ARHGEF4: variants seen among roughly 807,000 people sequenced by gnomAD.
The protein encoded by ARHGEF4 is Rho guanine nucleotide exchange factor 4.
ARHGEF4 carries 119 observed loss-of-function variants against 162.0 expected under a neutral mutation model. That is an observed-to-expected ratio of 0.73 (90% CI 0.63 to 0.86). The LOEUF is 0.86. Ranked by LOEUF, ARHGEF4 falls within the 40% of genes least tolerant of loss-of-function variation. The pLI, the probability that ARHGEF4 is intolerant of heterozygous loss-of-function variation, is 0.00. For synonymous variants in ARHGEF4, 1,014 were observed against 979.9 expected, an observed-to-expected ratio of 1.03 and a Z score of -0.65; for missense variants, 2,488 against 2,456.0, an observed-to-expected ratio of 1.01 and a Z score of -0.28.
chr2:130,867,859 C>T (rs898710210), intron 1 of ARHGEF4, among the ~76,000 whole-genome samples: 4 of 152,086 alleles, frequency 2.6e-5, no homozygotes, highest in Non-Finnish European at 5.9e-5. Context: ...CAGGCAGCCG[C>T]CCCCTGCGCC....
chr2:130,918,817 G>T (rs1370018304), intron 2 of ARHGEF4, among the ~76,000 whole-genome samples: 1 of 152,162 alleles, frequency 6.6e-6, no homozygotes, highest in Non-Finnish European at 1.5e-5. Flanking sequence ...AAACACTAAA[G>T]GTTTTTTGTT....
intron 4 of ARHGEF4, among the ~76,000 whole-genome samples, chr2:130,975,149 T>A (rs1685622660): frequency 6.6e-6 from 1 of 152,234 alleles, no homozygotes. Flanking sequence ...AGGGAAATGC[T>A]GAATTAAGTT....
At chr2:130,840,781 A>G (rs999691277) in intron 1 of ARHGEF4, among the ~76,000 whole-genome samples, 3 of 152,176 alleles carry the variant, frequency 2.0e-5, no homozygotes, top group African/African-American at 7.2e-5. Flanking sequence ...ATCCTGGGCT[A>G]CCAGGAACAG....
At chr2:130,885,049 T>A (rs1209519317) in intron 1 of ARHGEF4, among the ~76,000 whole-genome samples, 1 of 152,164 alleles carries the variant, frequency 6.6e-6, no homozygotes, top group Non-Finnish European at 1.5e-5. Context: ...ACTAATCTAC[T>A]CCATACTTCC....
chr2:130,946,057 C>T (rs762319221), intron 3 of ARHGEF4, among the ~76,000 whole-genome samples: 8 of 152,200 alleles, frequency 5.3e-5, no homozygotes, highest in Non-Finnish European at 7.3e-5. Context: ...ATCCCAAAGC[C>T]ACAGCCAACA....
intron 2 of ARHGEF4, among the ~76,000 whole-genome samples, chr2:130,921,796 A>G (rs1424072307): frequency 6.6e-6 from 1 of 151,872 alleles, no homozygotes; most frequent in Non-Finnish European, 1.5e-5. Flanking sequence ...GGTTCAAGCA[A>G]TTCTCCTGCC....
chr2:131,035,135 G>A, intron 5 of ARHGEF4: 1 of 1,191,446 alleles, frequency 8.4e-7, no homozygotes, highest in East Asian at 3.5e-5. Context: ...GCGGCGCCCG[G>A]GAACGCCCTG....
intron 1 of ARHGEF4, among the ~76,000 whole-genome samples, chr2:130,873,094 C>T (rs552209305): frequency 6.0e-4 from 91 of 152,354 alleles, no homozygotes; most frequent in African/African-American, 2.1e-3. Context: ...TGGGCACACA[C>T]AGGCTCTGGA....
At chr2:130,947,393 C>G (rs1390717277) in intron 4 of ARHGEF4, among the ~76,000 whole-genome samples, 1 of 151,876 alleles carries the variant, frequency 6.6e-6, no homozygotes, top group South Asian at 2.1e-4. Context: ...TACTCCGTCT[C>G]AAGAAAAAAT....
At chr2:130,985,774 CATG>C (rs1274777706) in intron 4 of ARHGEF4, among the ~76,000 whole-genome samples, 2 of 151,550 alleles carry the variant, frequency 1.3e-5, no homozygotes, top group Non-Finnish European at 2.9e-5. Flanking sequence ...GTTTTGCATG[CATG>C]ATATGTGTTT....
At chr2:130,849,148 C>T (rs1681209972) in intron 1 of ARHGEF4, among the ~76,000 whole-genome samples, 1 of 152,204 alleles carries the variant, frequency 6.6e-6, no homozygotes, top group South Asian at 2.1e-4. Flanking sequence ...GCTCCGTGAC[C>T]CCTCTCAGTG....
rs577602849 is a variant in ARHGEF4, at chr2:130,863,967, G to A, written c.39+26975G>A. 1.2e-3 allele frequency among the ~76,000 whole-genome samples: 155 copies of A among 125,256 alleles called. 1 individual carries two copies. Among genetic ancestry groups the A allele is most frequent in the African/African-American group, 4.1e-3 (135 of 32,708 alleles). 82.2% of individuals were successfully genotyped at this position (125,256 alleles called of 152,430 possible). ...TGGGAGGCCGAGGCAGGCAGATCAC[G>A]AGGTCAGGAGATCGAGACCATCCTG... On this transcript the variant is annotated intron_variant, in intron 1 of 13. Transcript: ENST00000409359.
chr2:130,896,400 G>A (rs1680161927), intron 1 of ARHGEF4, among the ~76,000 whole-genome samples: 1 of 152,218 alleles, frequency 6.6e-6, no homozygotes, highest in South Asian at 2.1e-4. Context: ...GGCAGCAATG[G>A]CTCAGGGCTG....
intron 4 of ARHGEF4, among the ~76,000 whole-genome samples, chr2:130,953,609 G>A (rs1403308254): frequency 6.6e-6 from 1 of 152,172 alleles, no homozygotes; most frequent in Non-Finnish European, 1.5e-5. Context: ...TACCATTAGA[G>A]TGAACAGACA....
intron 1 of ARHGEF4, among the ~76,000 whole-genome samples, chr2:130,876,540 C>G (rs571802011): frequency 4.6e-5 from 7 of 152,074 alleles, no homozygotes; most frequent in African/African-American, 1.2e-4. Context: ...TACAGGGGCC[C>G]GCCAACATAC....
intron 4 of ARHGEF4, among the ~76,000 whole-genome samples, chr2:131,013,337 G>A (rs568733318): frequency 1.4e-4 from 21 of 152,276 alleles, no homozygotes; most frequent in African/African-American, 4.6e-4. Flanking sequence ...AGAAGTACAG[G>A]TCTACCAACA....
chr2:130,847,748 G>A (rs925859609), intron 1 of ARHGEF4, among the ~76,000 whole-genome samples: 1 of 152,218 alleles, frequency 6.6e-6, no homozygotes, highest in Non-Finnish European at 1.5e-5. Context: ...ATCAGGCGAG[G>A]CTTCACAGGA....
chr2:131,038,785 G>A lies in ARHGEF4; in HGVS notation c.4126-68G>A, dbSNP rs1189089583. 7 of 1,509,282 alleles carry A rather than the reference G, an allele frequency of 4.6e-6. No individual in the cohort carries two copies. The African/African-American group carries it at 8.3e-5, about 18-fold the overall frequency. The allele number at this position is 1,509,282 out of a possible 1,614,324, so 93.5% of individuals were successfully genotyped here. On this transcript the variant is annotated intron_variant, in intron 5 of 13. Coordinates refer to ENST00000409359, the MANE Select transcript of ARHGEF4 (RefSeq NM_001367493.1). ...TCTTCCCAGGGCTGCTGAGGGAGTG[G>A]AGACAGAGAGCAGGGAGGCCCAGGC...
chr2:131,013,999 C>G (rs1475566237), intron 4 of ARHGEF4, among the ~76,000 whole-genome samples: 23 of 152,160 alleles, frequency 1.5e-4, no homozygotes, highest in Admixed American at 1.5e-3. Context: ...AATTGTTAAT[C>G]ATGACATGAT....
Sources: allele counts gnomAD v4.1 joint callset (sites outside exome capture counted in the v4.1 genomes callset), GRCh38; gene constraint gnomAD v4.1.1; transcripts MANE v1.5; gene names NCBI Gene and HGNC (gene_info 2026-07-23, HGNC 2026-07-21).